Variants in DNAJB6 observed in about 807,000 individuals in gnomAD.
DNAJB6 encodes the protein DnaJ heat shock protein family (Hsp40) member B6.
In DNAJB6, 16 loss-of-function variants were observed where a neutral mutation model predicts 42.7. The observed-to-expected ratio is 0.37, with a 90% CI of 0.25 to 0.57. The LOEUF (loss-of-function observed/expected upper bound fraction) is 0.57, where lower values mean the gene tolerates loss of function less well. Among genes scored for constraint, DNAJB6 ranks in the 20% least tolerant of loss-of-function variants. The pLI is 0.74. For synonymous variants in DNAJB6, 170 were observed against 163.5 expected (o/e 1.04, Z -0.30); for missense variants, 347 against 416.8 (o/e 0.83, Z 1.46).
chr7:157,373,746 A>G (rs1800333254), intron 5 of DNAJB6, among the ~76,000 whole-genome samples: 1 of 152,138 alleles, frequency 6.6e-6, no homozygotes, highest in Non-Finnish European at 1.5e-5. Context: ...GGTGACCTGG[A>G]CCCACTATCA....
chr7:157,337,078 G>C lies in DNAJB6; in HGVS notation c.-93G>C, dbSNP rs886062126. On this transcript the variant is annotated 5_prime_UTR_variant, in exon 1 of 10. Coordinates refer to ENST00000262177, the MANE Select transcript of DNAJB6 (RefSeq NM_058246.4). ...CCACCACCAGCGCAGCAGTCCTGGA[G>C]CTGTGAGGAGATTCGGGCCGTCACC... is the stretch of plus-strand genomic sequence containing the variant. 6.5e-6 allele frequency: 1 copy of C among 152,694 alleles called. No homozygotes were observed. Among genetic ancestry groups the C allele is most frequent in the Admixed American group, 6.5e-5 (1 of 15,290 alleles). 9.5% of individuals were successfully genotyped at this position (152,694 alleles called of 1,614,324 possible). A position where few individuals can be genotyped will look rare whatever the true frequency, so the allele number is the denominator to read the frequency against.
At chr7:157,389,903 C>CT (rs1446318021) in intron 8 of DNAJB6, among the ~76,000 whole-genome samples, 5 of 152,346 alleles carry the variant, frequency 3.3e-5, no homozygotes, top group Middle Eastern at 6.8e-3. Context: ...GGACTCGACT[C>CT]TGAGCTTTGT....
At chr7:157,358,946 C>G (rs2116950720) in intron 2 of DNAJB6, among the ~76,000 whole-genome samples, 1 of 152,232 alleles carries the variant, frequency 6.6e-6, no homozygotes, top group South Asian at 2.1e-4. Flanking sequence ...CTTGAGTGCC[C>G]CTTTGGAAGG....
rs1413398848 is a variant in DNAJB6 at position 157,395,121 on chromosome 7, C to A, written c.691+9510C>A. Among the ~76,000 whole-genome samples the A allele has an allele frequency of 4.0e-4, 53 of 132,224 alleles. 1 individual carries two copies. The highest frequency in any genetic ancestry group is 7.4e-5 in the Admixed American group (1 of 13,448). 86.7% of individuals were successfully genotyped at this position (132,224 alleles called of 152,430 possible). On this transcript the variant is annotated intron_variant, in intron 8 of 9. Transcript: ENST00000262177. Reference sequence around the variant, plus strand: ...CCGCGCCCCCCCACCTCCCAAAAAACCCCAGAAAGCAGAGAGTTAGCTGTT... The same window carrying A: ...CCGCGCCCCCCCACCTCCCAAAAAAACCCAGAAAGCAGAGAGTTAGCTGTT...
At chr7:157,415,501 G>T (rs529219084) in intron 9 of DNAJB6, 7 of 157,086 alleles carry the variant, frequency 4.5e-5, no homozygotes, top group African/African-American at 1.4e-4. Context: ...GGGAAGCGGA[G>T]GAGACACCTG....
At chr7:157,338,242 C>T (rs933673822) in intron 1 of DNAJB6, among the ~76,000 whole-genome samples, 3 of 152,104 alleles carry the variant, frequency 2.0e-5, no homozygotes, top group Non-Finnish European at 4.4e-5. Context: ...CGTATCAGAA[C>T]GATTCATGAT....
intron 1 of DNAJB6, among the ~76,000 whole-genome samples, chr7:157,340,837 T>A (rs902652128): frequency 5.9e-5 from 9 of 151,988 alleles, no homozygotes; most frequent in Admixed American, 3.3e-4. Context: ...CCTGGCTAAT[T>A]TTTGTATTTT....
At chr7:157,354,047 A>G (rs745823516) in intron 1 of DNAJB6, among the ~76,000 whole-genome samples, 7 of 152,188 alleles carry the variant, frequency 4.6e-5, no homozygotes, top group Non-Finnish European at 1.0e-4. Flanking sequence ...TTTCAATTTA[A>G]TTCTGAATTG....
intron 1 of DNAJB6, among the ~76,000 whole-genome samples, chr7:157,341,506 C>T (rs752372529): frequency 2.6e-5 from 4 of 152,146 alleles, no homozygotes; most frequent in East Asian, 1.9e-4. Context: ...TGATTTTTCC[C>T]CCTTTGATAT....
At chr7:157,397,311 A>G (rs1801637626) in intron 8 of DNAJB6, among the ~76,000 whole-genome samples, 1 of 152,116 alleles carries the variant, frequency 6.6e-6, no homozygotes, top group African/African-American at 2.4e-5. Flanking sequence ...CACCTAGGAG[A>G]CACTGAAGAG....
chr7:157,411,882 C>T (rs10226652), intron 9 of DNAJB6: 90,363 of 152,122 alleles, frequency 0.59, 27,325 homozygotes, highest in Admixed American at 0.71. Context: ...TCGGCTTCCC[C>T]GCCATACACC....
At chr7:157,377,601 C>CGGGGTGGGATGGTGT (rs1800536845) in intron 5 of DNAJB6, among the ~76,000 whole-genome samples, 1 of 151,958 alleles carries the variant, frequency 6.6e-6, no homozygotes, top group Non-Finnish European at 1.5e-5. Flanking sequence ...TCTCCTCCCC[C>CGGGGTGGGATGGTGT]GGGGTGGGAT....
At chr7:157,382,106 A>AT in intron 5 of DNAJB6, 140 bp from the exon 6 acceptor site, 1 of 866,656 alleles carries the variant, frequency 1.2e-6, no homozygotes, top group Non-Finnish European at 1.7e-6. Context: ...TACTCTGTAG[A>AT]TAAGCTCTTT....
intron 1 of DNAJB6, among the ~76,000 whole-genome samples, chr7:157,350,278 C>G (rs908174089): frequency 6.6e-6 from 1 of 152,106 alleles, no homozygotes; most frequent in Non-Finnish European, 1.5e-5. Flanking sequence ...GTCAGGGTTT[C>G]TCAGGAGGAA....
Position 157,352,233 on chromosome 7 carries a change from A to T in DNAJB6, c.-26-6314A>T, listed in dbSNP as rs6959963. ...AATCCCAGCTACTCCAGAGGCTGAGACAGGAAAGTCGCTTGAACCAGGGAG... is the reference window on the plus strand; with the variant it reads ...AATCCCAGCTACTCCAGAGGCTGAGTCAGGAAAGTCGCTTGAACCAGGGAG... On this transcript the variant is annotated intron_variant, in intron 1 of 9. Coordinates refer to ENST00000262177, the MANE Select transcript of DNAJB6 (RefSeq NM_058246.4). 8.9e-3 allele frequency among the ~76,000 whole-genome samples: 1,350 copies of T among 151,928 alleles called. 24 individuals carry two copies. The highest frequency in any genetic ancestry group is 0.031 in the African/African-American group (1,286 of 41,424).
intron 1 of DNAJB6, among the ~76,000 whole-genome samples, chr7:157,350,647 C>T (rs1418190829): frequency 3.3e-5 from 5 of 151,660 alleles, no homozygotes; most frequent in Non-Finnish European, 5.9e-5. Flanking sequence ...GGAAGACGCC[C>T]AATATGGCAC....
At chr7:157,354,331 G>A (rs751208003) in intron 1 of DNAJB6, among the ~76,000 whole-genome samples, 7 of 151,986 alleles carry the variant, frequency 4.6e-5, no homozygotes, top group Non-Finnish European at 1.0e-4. Context: ...ATTTTTAGTA[G>A]AGACAAGGTT....
At chr7:157,392,875 G>C (rs1227992230) in intron 8 of DNAJB6, among the ~76,000 whole-genome samples, 2 of 152,210 alleles carry the variant, frequency 1.3e-5, no homozygotes, top group African/African-American at 4.8e-5. Context: ...AATGCCGTCT[G>C]TGTGTGTTTT....
At position 157,409,974 on chromosome 7, in the gene DNAJB6, C is replaced by A. The variant is rs1443321248; in HGVS notation, c.871C>A (p.Pro291Thr). 3 of 1,534,234 alleles carry A rather than the reference C, an allele frequency of 2.0e-6. No homozygotes were observed. Among genetic ancestry groups the A allele is most frequent in the Non-Finnish European group, 2.6e-6 (3 of 1,143,638 alleles). Reference sequence around the variant, plus strand: ...GCAGGACCGACCTCGGGCACCCGGGCCCTGGGACCCCCTCGCGTCCGCAGC... The same window carrying A: ...GCAGGACCGACCTCGGGCACCCGGGACCTGGGACCCCCTCGCGTCCGCAGC... ...GEQDRPRAPG[P>T]WDPLASAAGL... Residue 291 changes from proline to threonine, a missense_variant, in exon 9 of 10, where the codon CCC becomes ACC. Around this residue, in one of 3 missense-constraint regions of DNAJB6, gnomAD observed 264 missense variants for 288.0 expected, o/e 0.92. Coordinates refer to ENST00000262177, the MANE Select transcript of DNAJB6 (RefSeq NM_058246.4).
Sources: gnomAD v4.1 joint callset for allele counts (sites outside exome capture counted in the v4.1 genomes callset) on GRCh38, gnomAD v4.1.1 for gene constraint, gnomAD v4.1.1 regional missense constraint, MANE v1.5 for transcripts, NCBI Gene and HGNC (gene_info 2026-07-23, HGNC 2026-07-21) for gene names.